The following SYT16 variants were observed in gnomAD, a reference collection of about 807,000 sequenced individuals.
SYT16 encodes synaptotagmin 16.
SYT16 carries 42 observed loss-of-function variants against 61.4 expected under a neutral mutation model. The ratio of observed to expected loss-of-function variants is 0.68; its 90% CI spans 0.53 to 0.89. SYT16 has a LOEUF of 0.89. SYT16 is among the 40% of genes least tolerant of loss of function. The probability of loss-of-function intolerance (pLI) is 0.00; values close to 1 mark genes in which losing one functional copy is unlikely to be tolerated. For synonymous variants in SYT16, 314 were observed against 302.3 expected (o/e 1.04, Z -0.40); for missense variants, 804 against 807.3 (o/e 1.00, Z 0.05).
chr14:61,836,755 G>A (rs946066468), intron 1 of SYT16, among the ~76,000 whole-genome samples: 3 of 152,188 alleles, frequency 2.0e-5, no homozygotes, highest in African/African-American at 7.2e-5. Flanking sequence ...GGGGAAACAA[G>A]CTTGTTAGCC....
intron 3 of SYT16, among the ~76,000 whole-genome samples, chr14:62,000,872 T>C (rs569941912): frequency 6.6e-6 from 1 of 152,240 alleles, no homozygotes; most frequent in East Asian, 1.9e-4. Flanking sequence ...TTTAGTCTTA[T>C]ACATGCAATA....
chr14:61,989,147 A>G (rs1371396979), intron 2 of SYT16, among the ~76,000 whole-genome samples: 1 of 151,962 alleles, frequency 6.6e-6, no homozygotes, highest in African/African-American at 2.4e-5. Flanking sequence ...TGATAGTACC[A>G]TTTTTTCCGT....
chr14:61,859,010 A>G (rs58600952), intron 1 of SYT16, among the ~76,000 whole-genome samples: 23,490 of 148,892 alleles, frequency 0.16, 2,156 homozygotes, highest in African/African-American at 0.26. Context: ...GCCCACCACT[A>G]CGCCCGGCTA....
intron 4 of SYT16, among the ~76,000 whole-genome samples, chr14:62,073,228 G>T (rs542524426): frequency 6.6e-6 from 1 of 152,094 alleles, no homozygotes; most frequent in Non-Finnish European, 1.5e-5. Context: ...TCTTATTACT[G>T]ATCTTGGTAT....
intron 1 of SYT16, among the ~76,000 whole-genome samples, chr14:61,844,308 T>C (rs914327394): frequency 3.9e-5 from 6 of 152,176 alleles, no homozygotes; most frequent in African/African-American, 1.4e-4. Flanking sequence ...GTTTTCCAAA[T>C]ATAAGATCAT....
chr14:61,830,071 T>A (rs2045892509), intron 1 of SYT16, among the ~76,000 whole-genome samples: 1 of 152,212 alleles, frequency 6.6e-6, no homozygotes, highest in African/African-American at 2.4e-5. Flanking sequence ...GTTCTATTAT[T>A]TTCAGTTTTA....
chr14:61,818,688 A>C (rs904940759), intron 1 of SYT16, among the ~76,000 whole-genome samples: 7 of 152,020 alleles, frequency 4.6e-5, no homozygotes, highest in Non-Finnish European at 1.0e-4. Context: ...AAAAAAAAAA[A>C]AAAAAAACAG....
chr14:61,966,577 G>A (rs961831900), intron 1 of SYT16, among the ~76,000 whole-genome samples: 2 of 152,216 alleles, frequency 1.3e-5, no homozygotes, highest in South Asian at 2.1e-4. Context: ...GTGACTGAAA[G>A]GAAGCACACA....
chr14:62,110,439 T>G lies in SYT16; in HGVS notation c.*9732T>G, dbSNP rs909061002. ...ATAGATGGAAAGACGTTTTGCAGAA[T>G]TTTTGAAGACTTGCAATGTTTTTGA... On this transcript the variant is annotated 3_prime_UTR_variant, in exon 8 of 8. Transcript: ENST00000683842. 1 of 152,160 alleles carries G rather than the reference T, an allele frequency of 6.6e-6. No individual in the cohort carries two copies. Among genetic ancestry groups the G allele is most frequent in the Non-Finnish European group, 1.5e-5 (1 of 67,998 alleles). 9.4% of individuals were successfully genotyped at this position (152,160 alleles called of 1,614,324 possible).
At chr14:61,971,569 G>C (rs1480316099) in intron 2 of SYT16, among the ~76,000 whole-genome samples, 3 of 152,232 alleles carry the variant, frequency 2.0e-5, no homozygotes, top group African/African-American at 7.2e-5. Flanking sequence ...CCCTAGCATG[G>C]GAAGTCTTAC....
intron 7 of SYT16, among the ~76,000 whole-genome samples, chr14:62,089,578 C>T (rs1280200562): frequency 1.3e-5 from 2 of 152,118 alleles, no homozygotes; most frequent in African/African-American, 2.4e-5. Context: ...CTGTAACTAG[C>T]CTATAGAACC....
At chr14:61,898,448 A>G (rs995978251) in intron 1 of SYT16, among the ~76,000 whole-genome samples, 21 of 152,204 alleles carry the variant, frequency 1.4e-4, no homozygotes, top group African/African-American at 4.6e-4. Context: ...ATTTAGAAAT[A>G]TGACAGTAGA....
At chr14:61,898,524 G>A (rs1372599898) in intron 1 of SYT16, among the ~76,000 whole-genome samples, 2 of 152,194 alleles carry the variant, frequency 1.3e-5, no homozygotes, top group African/African-American at 2.4e-5. Flanking sequence ...AGGAAATCCC[G>A]GGGCCATGAT....
At chr14:62,039,100 A>C (rs191260441) in intron 3 of SYT16, among the ~76,000 whole-genome samples, 116 of 152,300 alleles carry the variant, frequency 7.6e-4, no homozygotes, top group Non-Finnish European at 1.5e-3. Flanking sequence ...AAAATTCTAA[A>C]TCCTTTATGC....
chr14:61,816,566 T>A (rs2045432789), intron 1 of SYT16, among the ~76,000 whole-genome samples: 1 of 152,164 alleles, frequency 6.6e-6, no homozygotes, highest in Admixed American at 6.5e-5. Flanking sequence ...CAATAATTAA[T>A]TCAAGCAAGA....
rs1424354485 is a variant in SYT16 at position 62,104,081 on chromosome 14, A to G, written c.*3374A>G. 6.6e-6 allele frequency: 1 copy of G among 152,206 alleles called. No homozygotes were observed. Among genetic ancestry groups the G allele is most frequent in the Non-Finnish European group, 1.5e-5 (1 of 68,036 alleles). The allele number at this position is 152,206 out of a possible 1,614,324, so 9.4% of individuals were successfully genotyped here. A position where few individuals can be genotyped will look rare whatever the true frequency, so the allele number is the denominator to read the frequency against. On this transcript the variant is annotated 3_prime_UTR_variant, in exon 8 of 8. Transcript: ENST00000683842. The stretch of plus-strand genomic sequence containing the variant: ...TTCTTTTCTTTCCAGATGAAGTACT[A>G]TTTAAGTAGAAACTAGCATTAGGTT...
Position 62,075,233 on chromosome 14 carries a change from G to C in SYT16, c.835G>C (p.Asp279His), listed in dbSNP as rs1006788802. 2 of 1,613,818 alleles carry C rather than the reference G, an allele frequency of 1.2e-6. No individual in the cohort carries two copies. Among genetic ancestry groups the C allele is most frequent in the Non-Finnish European group, 1.7e-6 (2 of 1,179,810 alleles). Reference protein sequence around the residue: ...AHSQSPCERGDAKHHGTSHQE... With the variant: ...AHSQSPCERGHAKHHGTSHQE... Reference sequence around the variant, plus strand: ...CTCACAGTCCCCATGTGAAAGAGGGGATGCCAAACACCACGGCACATCTCA... The same window carrying C: ...CTCACAGTCCCCATGTGAAAGAGGGCATGCCAAACACCACGGCACATCTCA... Residue 279 changes from aspartate (D) to histidine (H), a missense_variant, in exon 5 of 8, where the codon GAT (aspartate) becomes CAT (histidine). Asp to His is a moderately conservative substitution (Grantham distance 81, BLOSUM62 -1). Coordinates refer to ENST00000683842, the MANE Select transcript of SYT16 (RefSeq NM_001367656.1).
At chr14:61,967,754 C>T (rs1338656517) in intron 1 of SYT16, among the ~76,000 whole-genome samples, 1 of 152,154 alleles carries the variant, frequency 6.6e-6, no homozygotes, top group Non-Finnish European at 1.5e-5. Context: ...CCTTCTGAGA[C>T]TCATGGTGAA....
chr14:61,926,632 G>T (rs1023840280), intron 1 of SYT16, among the ~76,000 whole-genome samples: 1 of 152,314 alleles, frequency 6.6e-6, no homozygotes, highest in East Asian at 1.9e-4. Context: ...TCTCGTGGGA[G>T]AATTGGACTG....
Sources: gnomAD v4.1 joint callset for allele counts (sites outside exome capture counted in the v4.1 genomes callset) on GRCh38, gnomAD v4.1.1 for gene constraint, MANE v1.5 for transcripts, NCBI Gene and HGNC (gene_info 2026-07-23, HGNC 2026-07-21) for gene names.